The following TMCC1 variants were observed in gnomAD, a reference collection of about 807,000 sequenced individuals.
The protein encoded by TMCC1 is transmembrane and coiled-coil domain family 1, also known as transmembrane and coiled-coil domains protein 1.
Under a neutral mutation model 52.4 loss-of-function variants are expected in TMCC1, and 15 were observed. That is an observed-to-expected ratio of 0.29 (90% CI 0.19 to 0.44). The LOEUF is 0.44. Ranked by LOEUF, TMCC1 falls within the 20% of genes least tolerant of loss-of-function variation. TMCC1 has a pLI of 1.00. For synonymous variants in TMCC1, 279 were observed against 301.9 expected, an observed-to-expected ratio of 0.92 and a Z score of 0.79; for missense variants, 503 against 806.0, an observed-to-expected ratio of 0.62 and a Z score of 4.55.
intron 4 of TMCC1, among the ~76,000 whole-genome samples, chr3:129,778,601 T>C (rs1310989747): frequency 6.6e-6 from 1 of 151,192 alleles, no homozygotes; most frequent in Non-Finnish European, 1.5e-5. Context: ...TCCAATCTCA[T>C]CTTGAATTGT....
At chr3:129,891,765 GATGAATTA>G (rs1303912983) in intron 1 of TMCC1, among the ~76,000 whole-genome samples, 1 of 152,190 alleles carries the variant, frequency 6.6e-6, no homozygotes, top group Non-Finnish European at 1.5e-5. Context: ...ATAAACATTT[GATGAATTA>G]ATGAATGATC....
At chr3:129,696,974 TTAGG>T (rs2047457541) in intron 4 of TMCC1, among the ~76,000 whole-genome samples, 1 of 152,254 alleles carries the variant, frequency 6.6e-6, no homozygotes, top group East Asian at 1.9e-4. Flanking sequence ...TGGGGTGGCG[TTAGG>T]TGTCTGCAGC....
chr3:129,775,285 A>G (rs756907078), intron 4 of TMCC1, among the ~76,000 whole-genome samples: 1 of 152,078 alleles, frequency 6.6e-6, no homozygotes, highest in Non-Finnish European at 1.5e-5. Flanking sequence ...CCACCACCAC[A>G]TCTTAACCAC....
chr3:129,846,867 TAAAAAAAAA>T (rs34419693), intron 2 of TMCC1, among the ~76,000 whole-genome samples: 2 of 41,884 alleles, frequency 4.8e-5, no homozygotes, highest in South Asian at 2.8e-3. Context: ...CAATCTCTAC[TAAAAAAAAA>T]AAAAAAAAAA....
At chr3:129,887,008 G>A (rs912500416) in intron 1 of TMCC1, among the ~76,000 whole-genome samples, 3 of 152,060 alleles carry the variant, frequency 2.0e-5, no homozygotes, top group Non-Finnish European at 4.4e-5. Context: ...GACATGTTTA[G>A]AATAGGCAAA....
chr3:129,702,844 C>T (rs1041920589), intron 4 of TMCC1, among the ~76,000 whole-genome samples: 2 of 152,024 alleles, frequency 1.3e-5, no homozygotes, highest in Admixed American at 1.3e-4. Flanking sequence ...GGTGAAACCC[C>T]GTCTCCACTA....
intron 2 of TMCC1, among the ~76,000 whole-genome samples, chr3:129,857,681 C>T (rs1229675522): frequency 2.0e-5 from 3 of 152,000 alleles, no homozygotes; most frequent in African/African-American, 7.2e-5. Context: ...CCTGCCTCAG[C>T]CTCCTGAGTA....
At chr3:129,688,914 A>G (rs561028031) in intron 4 of TMCC1, among the ~76,000 whole-genome samples, 2 of 152,376 alleles carry the variant, frequency 1.3e-5, no homozygotes, top group South Asian at 4.1e-4. Context: ...AATCGCTTAA[A>G]GAAGATTAAA....
At chr3:129,750,213 A>G (rs1309006075) in intron 4 of TMCC1, among the ~76,000 whole-genome samples, 1 of 152,130 alleles carries the variant, frequency 6.6e-6, no homozygotes, top group African/African-American at 2.4e-5. Flanking sequence ...ATTTTGAGAC[A>G]AAGTTTTGCT....
chr3:129,870,709 G>A (rs13095269), intron 2 of TMCC1, among the ~76,000 whole-genome samples: 5 of 69,642 alleles, frequency 7.2e-5, no homozygotes, highest in South Asian at 7.1e-4. Flanking sequence ...ACTGCACTCC[G>A]CGGGTTGGCG....
At chr3:129,656,698 C>T (rs1466870798) in intron 5 of TMCC1, 1 of 152,122 alleles carries the variant, frequency 6.6e-6, no homozygotes, top group Non-Finnish European at 1.5e-5. Context: ...TCTTCTTTAT[C>T]CTTGATAGGA....
intron 5 of TMCC1, among the ~76,000 whole-genome samples, chr3:129,657,112 A>T (rs1248076333): frequency 1.3e-5 from 2 of 152,044 alleles, no homozygotes; most frequent in African/African-American, 4.8e-5. Flanking sequence ...ATCTGGCAGG[A>T]AATTACTCTC....
chr3:129,679,532 C>T (rs985170700), intron 4 of TMCC1, among the ~76,000 whole-genome samples: 18 of 152,090 alleles, frequency 1.2e-4, no homozygotes, highest in African/African-American at 4.1e-4. Context: ...TCTTGAACTC[C>T]TGACCTCGTG....
At chr3:129,875,420 G>A (rs904093726) in intron 2 of TMCC1, among the ~76,000 whole-genome samples, 2 of 149,288 alleles carry the variant, frequency 1.3e-5, no homozygotes, top group Non-Finnish European at 3.0e-5. Context: ...GAACCCTGGA[G>A]GCAGAGGTTG....
intron 2 of TMCC1, among the ~76,000 whole-genome samples, chr3:129,856,632 G>A (rs1399617514): frequency 6.6e-6 from 1 of 152,132 alleles, no homozygotes; most frequent in East Asian, 1.9e-4. Context: ...ATAAAACAAT[G>A]TTATACAACG....
intron 4 of TMCC1, among the ~76,000 whole-genome samples, chr3:129,723,297 A>C (rs1311829358): frequency 6.6e-6 from 1 of 152,036 alleles, no homozygotes; most frequent in African/African-American, 2.4e-5. Flanking sequence ...CAATTCAGAA[A>C]ATTTCCAAGT....
chr3:129,818,169 C>T (rs1158176786), intron 4 of TMCC1, among the ~76,000 whole-genome samples: 1 of 151,852 alleles, frequency 6.6e-6, no homozygotes, highest in Non-Finnish European at 1.5e-5. Flanking sequence ...TCTCGAACTC[C>T]CAACCTCAAG....
chr3:129,695,884 C>A (rs1164255116), intron 4 of TMCC1, among the ~76,000 whole-genome samples: 1 of 152,264 alleles, frequency 6.6e-6, no homozygotes, highest in East Asian at 1.9e-4. Context: ...ACCATAAATT[C>A]TCATCAGCTG....
chr3:129,768,508 TTC>T (rs1462831370), intron 4 of TMCC1, among the ~76,000 whole-genome samples: 2 of 152,168 alleles, frequency 1.3e-5, no homozygotes, highest in African/African-American at 4.8e-5. Flanking sequence ...ACTGATTAGA[TTC>T]TGTTTGTTCC....
Sources: gnomAD v4.1 joint callset for allele counts (sites outside exome capture counted in the v4.1 genomes callset) on GRCh38, gnomAD v4.1.1 for gene constraint, MANE v1.5 for transcripts, NCBI Gene and HGNC (gene_info 2026-07-23, HGNC 2026-07-21) for gene names.